The following MYO16 variants were observed in gnomAD, a reference collection of about 807,000 sequenced individuals.
MYO16 encodes the protein myosin XVI.
Under a neutral mutation model 205.3 loss-of-function variants are expected in MYO16, and 94 were observed. The ratio of observed to expected loss-of-function variants is 0.46; its 90% confidence interval spans 0.39 to 0.54. MYO16 has a LOEUF of 0.54. Ranked by LOEUF, MYO16 falls within the 20% of genes least tolerant of loss-of-function variation. The pLI, the probability that MYO16 is intolerant of heterozygous loss-of-function variation, is 0.00. For missense variants in MYO16, 2,315 were observed against 2,387.5 expected (o/e 0.97, Z 0.63); for synonymous variants, 988 against 954.0 (o/e 1.04, Z -0.66).
the MYO16 span, among the ~76,000 whole-genome samples, chr13:108,559,622 C>T: frequency 3.3e-5 from 5 of 151,354 alleles, no homozygotes; most frequent in Admixed American, 2.6e-4. Context: ...TACAGGCACC[C>T]GCCACCACGC....
At chr13:108,563,721 T>C in the MYO16 span, among the ~76,000 whole-genome samples, 1 of 152,330 alleles carries the variant, frequency 6.6e-6, no homozygotes, top group South Asian at 2.1e-4. Flanking sequence ...AAGTACCACA[T>C]TTTCTTTACC....
At chr13:109,166,224 AAAC>A (rs1325197199) in intron 33 of MYO16, among the ~76,000 whole-genome samples, 3 of 152,338 alleles carry the variant, frequency 2.0e-5, no homozygotes, top group African/African-American at 4.8e-5. Flanking sequence ...CCACGAAATA[AAAC>A]AACGAGAATT....
intron 2 of MYO16, among the ~76,000 whole-genome samples, chr13:108,667,516 G>C (rs954430453): frequency 3.3e-5 from 5 of 151,928 alleles, no homozygotes; most frequent in Non-Finnish European, 7.4e-5. Context: ...CTCACCTATG[G>C]CTGTTCATTG....
chr13:109,122,220 T>C (rs1876023271), intron 29 of MYO16, among the ~76,000 whole-genome samples: 1 of 152,180 alleles, frequency 6.6e-6, no homozygotes, highest in African/African-American at 2.4e-5. Flanking sequence ...GTATCACAAA[T>C]TCTCCTGAAA....
chr13:108,964,566 A>G (rs1883715126), intron 19 of MYO16, among the ~76,000 whole-genome samples, 195 bp from the exon 20 acceptor site: 1 of 152,210 alleles, frequency 6.6e-6, no homozygotes, highest in South Asian at 2.1e-4. Flanking sequence ...GAAGATTGCA[A>G]TGTACATGAC....
At chr13:108,997,311 AG>A (rs1885037732) in intron 21 of MYO16, among the ~76,000 whole-genome samples, 1 of 2,532 alleles carries the variant, frequency 3.9e-4, no homozygotes, top group Non-Finnish European at 7.4e-4. Flanking sequence ...AAAGAAAGAA[AG>A]AAAGAAAGAA....
intron 2 of MYO16, among the ~76,000 whole-genome samples, chr13:108,672,202 C>G (rs576744170): frequency 1.3e-5 from 2 of 152,232 alleles, no homozygotes; most frequent in South Asian, 4.1e-4. Context: ...ATATGTATTA[C>G]TTCTCCCAAA....
chr13:108,704,924 C>A, intron 2 of MYO16, among the ~76,000 whole-genome samples: 1 of 142,426 alleles, frequency 7.0e-6, no homozygotes, highest in African/African-American at 2.7e-5. Flanking sequence ...AATGAAAAAC[C>A]TTAGCTAAAC....
intron 27 of MYO16, among the ~76,000 whole-genome samples, chr13:109,089,717 C>T (rs919464705): frequency 3.3e-5 from 5 of 152,168 alleles, no homozygotes; most frequent in African/African-American, 4.8e-5. Context: ...TGACATAATG[C>T]CTTAAAATGT....
At chr13:108,989,437 G>A (rs1428954825) in intron 20 of MYO16, among the ~76,000 whole-genome samples, 1 of 152,066 alleles carries the variant, frequency 6.6e-6, no homozygotes, top group African/African-American at 2.4e-5. Context: ...CCTCTTTCAA[G>A]GCTCACTCTA....
Position 108,973,305 on chromosome 13 carries a change from T to C in MYO16, c.2369+8403T>C, listed in dbSNP as rs938682077. ...TGGGTTTAAATAACAGAAGGAAGTATTGAACAGATCCTATACCAATGAAAA... is the reference window on the plus strand; with the variant it reads ...TGGGTTTAAATAACAGAAGGAAGTACTGAACAGATCCTATACCAATGAAAA... On this transcript the variant is annotated intron_variant, in intron 20 of 34. Transcript: ENST00000457511. Among the ~76,000 whole-genome samples, 31 of 151,964 alleles carry C rather than the reference T, an allele frequency of 2.0e-4. 1 individual carries two copies. Among genetic ancestry groups the C allele is most frequent in the Non-Finnish European group, 4.4e-4 (30 of 67,982 alleles).
At chr13:109,201,990 C>T (rs997728328) in intron 34 of MYO16, among the ~76,000 whole-genome samples, 7 of 151,436 alleles carry the variant, frequency 4.6e-5, no homozygotes, top group African/African-American at 1.7e-4. Context: ...ACACACACAT[C>T]ATATATCTAT....
chr13:108,519,961 G>A, the MYO16 span, among the ~76,000 whole-genome samples: 3 of 152,210 alleles, frequency 2.0e-5, no homozygotes, highest in Middle Eastern at 3.4e-3. Context: ...TAGAGGAAGC[G>A]TATTTTTTGA....
chr13:108,945,600 A>AT (rs1291184084), intron 16 of MYO16, among the ~76,000 whole-genome samples: 12 of 152,022 alleles, frequency 7.9e-5, no homozygotes, highest in Non-Finnish European at 1.5e-5. Context: ...TTAACTAGGC[A>AT]TTTTTACTCA....
intron 16 of MYO16, among the ~76,000 whole-genome samples, chr13:108,911,779 C>T (rs1881276648): frequency 6.6e-6 from 1 of 152,072 alleles, no homozygotes; most frequent in Admixed American, 6.6e-5. Context: ...GTGGTGTTAG[C>T]ACTCATGGTA....
chr13:108,942,697 C>T (rs898391066), intron 16 of MYO16, among the ~76,000 whole-genome samples: 3 of 152,184 alleles, frequency 2.0e-5, no homozygotes, highest in Non-Finnish European at 4.4e-5. Context: ...CACTGAGTCT[C>T]ATTCCTCTTT....
chr13:108,803,062 A>C (rs1264972075), intron 6 of MYO16, among the ~76,000 whole-genome samples: 1 of 152,166 alleles, frequency 6.6e-6, no homozygotes, highest in Non-Finnish European at 1.5e-5. Flanking sequence ...GTGTCTTTTT[A>C]TATTTTACAT....
At chr13:108,758,912 T>C (rs1885508677) in intron 4 of MYO16, among the ~76,000 whole-genome samples, 1 of 152,242 alleles carries the variant, frequency 6.6e-6, no homozygotes, top group Non-Finnish European at 1.5e-5. Flanking sequence ...TCTTTCAGAA[T>C]TCTTGACATC....
chr13:109,197,252 G>GTGTT (rs1357137485), intron 34 of MYO16, among the ~76,000 whole-genome samples: 2 of 152,176 alleles, frequency 1.3e-5, no homozygotes, highest in African/African-American at 2.4e-5. Context: ...GAGCTTTCTA[G>GTGTT]TGTTTGAAAA....
Sources: gnomAD v4.1 joint callset for allele counts (sites outside exome capture counted in the v4.1 genomes callset) on GRCh38, gnomAD v4.1.1 for gene constraint, MANE v1.5 for transcripts, NCBI Gene and HGNC (gene_info 2026-07-23, HGNC 2026-07-21) for gene names.